Variants in LSM10 observed in about 807,000 individuals in gnomAD.
The protein encoded by LSM10 is U7 snRNA-associated Sm-like protein LSm10.
A neutral mutation model predicts 5.2 loss-of-function variants in LSM10; 4 were observed. The observed-to-expected ratio is 0.77, with a 90% CI of 0.38 to 1.77. The LOEUF is 1.77. Ranked by LOEUF, LSM10 falls within the 40% of genes most tolerant of loss-of-function variation. The pLI is 0.04. For missense variants in LSM10, 150 were observed against 171.6 expected (o/e 0.87, Z 0.70); for synonymous variants, 63 against 67.4 (o/e 0.94, Z 0.32).
At chr1:36,397,455 A>G (rs1647164271) in intron 1 of LSM10, among the ~76,000 whole-genome samples, 1 of 152,124 alleles carries the variant, frequency 6.6e-6, no homozygotes, top group Non-Finnish European at 1.5e-5. Context: ...AAGCAAAGGT[A>G]TGGGGCTGCT....
At chr1:36,395,250 T>C (rs1405189255) in intron 1 of LSM10, among the ~76,000 whole-genome samples, 1 of 152,176 alleles carries the variant, frequency 6.6e-6, no homozygotes, top group Non-Finnish European at 1.5e-5. Context: ...GGAAAGAATT[T>C]AGAGAAACAA....
Position 36,393,832 on chromosome 1 carries a change from T to C in LSM10, c.298A>G (p.Ile100Val), listed in dbSNP as rs113637218. The change falls in exon 2 of 2, where the codon ATT becomes GTT. Residue 100 changes from isoleucine to valine, a missense_variant. Physicochemically the swap from Ile to Val is conservative, Grantham distance 29. Coordinates refer to ENST00000315732, the MANE Select transcript of LSM10 (RefSeq NM_032881.3). The stretch of plus-strand genomic sequence containing the variant: ...CCAAAGTTTCGCACCCGATGGATAA[T>C]CTGCAGCTGCTGCTCAATGGTCGAG... Reference protein sequence around the residue: ...ITSTIEQQLQIIHRVRNFGGK... With the variant: ...ITSTIEQQLQVIHRVRNFGGK... 1.9e-6 allele frequency: 3 copies of C among 1,614,224 alleles called. No individual in the cohort carries two copies. Among genetic ancestry groups the C allele is most frequent in the African/African-American group, 2.7e-5 (2 of 75,058 alleles).
intron 1 of LSM10, among the ~76,000 whole-genome samples, chr1:36,397,030 T>C (rs1647161999): frequency 6.6e-6 from 1 of 151,790 alleles, no homozygotes; most frequent in Non-Finnish European, 1.5e-5. Context: ...CGGTATTATA[T>C]AAGGTACATA....
chr1:36,394,227 T>C, intron 1 of LSM10, 74 bp from the exon 2 acceptor site: 1 of 1,430,788 alleles, frequency 7.0e-7, no homozygotes, highest in Non-Finnish European at 9.3e-7. Flanking sequence ...TCCACCAGGT[T>C]CTCAAACAAA....
At chr1:36,395,788 AAAG>A (rs1426444377) in intron 1 of LSM10, among the ~76,000 whole-genome samples, 1 of 151,448 alleles carries the variant, frequency 6.6e-6, no homozygotes, top group Non-Finnish European at 1.5e-5. Flanking sequence ...AAAAAAAAAA[AAAG>A]AAAATCCATA....
rs78136170 is a variant in LSM10, at chr1:36,393,869, G to A, written c.261C>T (p.Asp87=). 2.4e-3 allele frequency: 3,832 copies of A among 1,614,254 alleles called. 72 individuals carry two copies. The Admixed American group carries it at 0.039, about 17-fold the overall frequency. The change falls in exon 2 of 2, where the codon GAC becomes GAT. Residue 87 remains aspartate, a synonymous_variant. Transcript: ENST00000315732. ...RNVRYVHIPD[D]VNITSTIEQQ... Reference sequence around the variant, plus strand: ...GCTCAATGGTCGAGGTGATGTTCACGTCATCTGGGATGTGGACGTAGCGGA... The same window carrying A: ...GCTCAATGGTCGAGGTGATGTTCACATCATCTGGGATGTGGACGTAGCGGA...
At position 36,393,572 on chromosome 1, in the gene LSM10, G is replaced by T. The variant is rs1459245264; in HGVS notation, c.*186C>A. 5 of 725,706 alleles carry T rather than the reference G, an allele frequency of 6.9e-6. No individual in the cohort carries two copies. Among genetic ancestry groups the T allele is most frequent in the African/African-American group, 1.8e-5 (1 of 56,768 alleles). The allele number at this position is 725,706 out of a possible 1,614,324, so 45.0% of individuals were successfully genotyped here. The stretch of plus-strand genomic sequence containing the variant: ...CCCCAAGGCCACATATAGGATTCTG[G>T]GTCCCAGAGTGAGTCTGGGAGGTGG... On this transcript the variant is annotated 3_prime_UTR_variant, in exon 2 of 2. Coordinates refer to ENST00000315732, the MANE Select transcript of LSM10 (RefSeq NM_032881.3).
chr1:36,396,741 G>A lies in LSM10; in HGVS notation c.-25+1026C>T, dbSNP rs138311094. ...AATCCCAGGATTTTGGGAGGCCAAG[G>A]CGAGTGGATCACCTGAGGTCAGGAG... On this transcript the variant is annotated intron_variant, in intron 1 of 1. Coordinates refer to ENST00000315732, the MANE Select transcript of LSM10 (RefSeq NM_032881.3). Among the ~76,000 whole-genome samples, 2,701 of 152,328 alleles carry A rather than the reference G, an allele frequency of 0.018. 229 individuals carry two copies. The East Asian group carries it at 0.26, about 15-fold the overall frequency.
Position 36,393,658 on chromosome 1 carries a change from CCTG to C in LSM10, c.*97_*99del. On this transcript the variant is annotated 3_prime_UTR_variant, in exon 2 of 2. Coordinates refer to ENST00000315732, the MANE Select transcript of LSM10 (RefSeq NM_032881.3). ...GTTGGACACCAGCTTCTGGCCTGGCCCTGCTTTCTTCTCGGGTACCAGACAGGG... is the reference window on the plus strand; with the variant it reads ...GTTGGACACCAGCTTCTGGCCTGGCCCTTTCTTCTCGGGTACCAGACAGGG... The C allele has an allele frequency of 6.6e-7, 1 of 1,515,928 alleles. No individual in the cohort carries two copies. The highest frequency in any genetic ancestry group is 2.3e-5 in the East Asian group (1 of 44,160). The allele number at this position is 1,515,928 out of a possible 1,614,324, so 93.9% of individuals were successfully genotyped here. A position where few individuals can be genotyped will look rare whatever the true frequency, so the allele number is the denominator to read the frequency against.
In LSM10 at chr1:36,393,738, G is replaced by A. The variant is rs370860270; in HGVS notation, c.*20C>T. 11 of 1,611,382 alleles carry A rather than the reference G, an allele frequency of 6.8e-6. No individual in the cohort carries two copies. The highest frequency in any genetic ancestry group is 4.0e-5 in the African/African-American group (3 of 75,012). ...GATCACTGGAGGACTCCGAGTTGGG[G>A]CCAGGGCTTGCTGAGGGCCTCACTT... On this transcript the variant is annotated 3_prime_UTR_variant, in exon 2 of 2. Coordinates refer to ENST00000315732, the MANE Select transcript of LSM10 (RefSeq NM_032881.3).
At position 36,397,840 on chromosome 1, in the gene LSM10, C is replaced by T. The variant is rs1647166506; in HGVS notation, c.-98G>A. The T allele has an allele frequency of 6.6e-6, 1 of 152,214 alleles. No homozygotes were observed. Among genetic ancestry groups the T allele is most frequent in the African/African-American group, 2.4e-5 (1 of 41,428 alleles). 9.4% of individuals were successfully genotyped at this position (152,214 alleles called of 1,614,324 possible). ...GCGGGCGCCTGGACTGGCTGCCTCC[C>T]GCCGGCTGCAGCAGGACGGAGAAAC... is the stretch of plus-strand genomic sequence containing the variant. On this transcript the variant is annotated 5_prime_UTR_variant, in exon 1 of 2. Transcript: ENST00000315732.
At chr1:36,396,457 T>G (rs1253207708) in intron 1 of LSM10, among the ~76,000 whole-genome samples, 1 of 152,224 alleles carries the variant, frequency 6.6e-6, no homozygotes, top group Non-Finnish European at 1.5e-5. Flanking sequence ...AATCATTGGT[T>G]GACACCAGTA....
At chr1:36,396,313 C>A (rs771264084) in intron 1 of LSM10, among the ~76,000 whole-genome samples, 50 of 151,780 alleles carry the variant, frequency 3.3e-4, no homozygotes, top group Non-Finnish European at 5.4e-4. Flanking sequence ...AATCTCAGGT[C>A]TCTCCCCAAG....
chr1:36,395,630 T>C (rs1175771705), intron 1 of LSM10, among the ~76,000 whole-genome samples: 2 of 151,214 alleles, frequency 1.3e-5, no homozygotes, highest in East Asian at 2.0e-4. Context: ...ATACAAAAAT[T>C]AGTCGGGCAT....
chr1:36,394,571 C>G (rs1647144575), intron 1 of LSM10, among the ~76,000 whole-genome samples: 1 of 152,080 alleles, frequency 6.6e-6, no homozygotes, highest in Non-Finnish European at 1.5e-5. Context: ...CTTCGAGAGG[C>G]TGAGGCAGGC....
chr1:36,393,704 A>T lies in LSM10; in HGVS notation c.*54T>A. 6.3e-7 allele frequency: 1 copy of T among 1,592,744 alleles called. No individual in the cohort carries two copies. Among genetic ancestry groups the T allele is most frequent in the Non-Finnish European group, 8.6e-7 (1 of 1,167,912 alleles). ...AGACAGGGTGTGAGGGCAGGGAACTAGCTCCGGAGATCACTGGAGGACTCC... is the reference window on the plus strand; with the variant it reads ...AGACAGGGTGTGAGGGCAGGGAACTTGCTCCGGAGATCACTGGAGGACTCC... On this transcript the variant is annotated 3_prime_UTR_variant, in exon 2 of 2. Transcript: ENST00000315732.
In LSM10 at chr1:36,394,219, C is replaced by T. The variant is rs962557534; in HGVS notation, c.-24-66G>A. On this transcript the variant is annotated intron_variant, in intron 1 of 1. Transcript: ENST00000315732. ...GGGGGTACAGTTGCCAACTCACCTC[C>T]ACCAGGTTCTCAAACAAAATTCCCA... The T allele has an allele frequency of 2.7e-6, 4 of 1,460,172 alleles. No homozygotes were observed. The African/African-American group carries it at 5.6e-5, about 20-fold the overall frequency. The allele number at this position is 1,460,172 out of a possible 1,614,324, so 90.5% of individuals were successfully genotyped here.
rs1172681017 is a variant in LSM10, at chr1:36,393,972, C to T, written c.158G>A (p.Arg53His). 9.3e-6 allele frequency: 15 copies of T among 1,614,094 alleles called. No individual in the cohort carries two copies. The highest frequency in any genetic ancestry group is 8.5e-6 in the Non-Finnish European group (10 of 1,180,054). ...IDNVDAFMNI[R>H]LAKVTYTDRW... ...GTCCGTGTAGGTGACTTTGGCCAGG[C>T]GGATGTTCATGAAAGCATCGACATT... The change falls in exon 2 of 2, where the codon CGC becomes CAC. Residue 53 changes from arginine to histidine, a missense_variant. Transcript: ENST00000315732.
At position 36,395,993 on chromosome 1, in the gene LSM10, G is replaced by A. The variant is rs576999621; in HGVS notation, c.-25+1774C>T. Reference sequence around the variant, plus strand: ...TCCCAGCACTTTGGGAGACCGAGGCGGGCGGATCATGAGGTCAGGAGATCA... The same window carrying A: ...TCCCAGCACTTTGGGAGACCGAGGCAGGCGGATCATGAGGTCAGGAGATCA... On this transcript the variant is annotated intron_variant, in intron 1 of 1. Transcript: ENST00000315732. Among the ~76,000 whole-genome samples the A allele has an allele frequency of 5.3e-5, 8 of 151,900 alleles. No homozygotes were observed. In the East Asian group the frequency reaches 5.8e-4, roughly 11 times the overall value.
Sources: allele counts gnomAD v4.1 joint callset (sites outside exome capture counted in the v4.1 genomes callset), GRCh38; gene constraint gnomAD v4.1.1; transcripts MANE v1.5; gene names NCBI Gene and HGNC (gene_info 2026-07-23, HGNC 2026-07-21).